The following ARHGAP44 variants were observed in gnomAD, a reference collection of about 807,000 sequenced individuals.
ARHGAP44 encodes the protein rho GTPase-activating protein 44.
In ARHGAP44, 43 loss-of-function variants were observed where a neutral mutation model predicts 106.8. The ratio of observed to expected loss-of-function variants is 0.40; its 90% confidence interval spans 0.32 to 0.52. The LOEUF (loss-of-function observed/expected upper bound fraction) is 0.52, where lower values mean the gene tolerates loss of function less well. ARHGAP44 is among the 20% of genes least tolerant of loss of function. The pLI is 0.48. For missense variants in ARHGAP44, 866 were observed against 1,050.5 expected (o/e 0.82, Z 2.43); for synonymous variants, 439 against 410.3 (o/e 1.07, Z -0.85).
chr17:12,949,551 C>A lies in ARHGAP44; in HGVS notation c.974-98C>A. ...TGCTGTTGACATGGTGGTCAGGAGGCCCATCCCCAGATGGAACCCACATAG... is the reference window on the plus strand; with the variant it reads ...TGCTGTTGACATGGTGGTCAGGAGGACCATCCCCAGATGGAACCCACATAG... On this transcript the variant is annotated intron_variant, in intron 11 of 20. Coordinates refer to ENST00000379672, the MANE Select transcript of ARHGAP44 (RefSeq NM_014859.6). The surrounding 1 kb of genome is among the most constrained non-coding windows in gnomAD (Gnocchi z 4.1). 8.8e-7 allele frequency: 1 copy of A among 1,135,258 alleles called. No homozygotes were observed. Among genetic ancestry groups the A allele is most frequent in the East Asian group, 2.4e-5 (1 of 42,240 alleles). 70.3% of individuals were successfully genotyped at this position (1,135,258 alleles called of 1,614,324 possible). A position where few individuals can be genotyped will look rare whatever the true frequency, so the allele number is the denominator to read the frequency against.
intron 18 of ARHGAP44, among the ~76,000 whole-genome samples, chr17:12,979,513 G>T (rs1047763084): frequency 1.1e-4 from 16 of 152,222 alleles, no homozygotes; most frequent in Middle Eastern, 6.8e-3. Flanking sequence ...GCTGGAATGG[G>T]TATTGAGTTT....
chr17:12,846,343 G>A (rs8064232), intron 1 of ARHGAP44, among the ~76,000 whole-genome samples: 44,848 of 151,956 alleles, frequency 0.3, 9,827 homozygotes, highest in African/African-American at 0.62. Context: ...GCCATAGGCA[G>A]CCCCCATCTA....
intron 18 of ARHGAP44, 45 bp downstream of exon 18, chr17:12,974,355 AG>A: frequency 7.4e-7 from 1 of 1,348,920 alleles, no homozygotes. Flanking sequence ...TGTGCGGTGC[AG>A]GGGGTGTCTG....
intron 1 of ARHGAP44, among the ~76,000 whole-genome samples, chr17:12,802,945 A>T (rs2034144890): frequency 1.3e-4 from 2 of 15,506 alleles, no homozygotes; most frequent in African/African-American, 6.4e-4. Context: ...ATATATATAT[A>T]TATATATATA....
chr17:12,790,993 C>T (rs958220089), intron 1 of ARHGAP44, among the ~76,000 whole-genome samples: 3 of 152,124 alleles, frequency 2.0e-5, no homozygotes, highest in Admixed American at 1.3e-4. Context: ...AAACCGAATA[C>T]CTTTCTTGGG....
chr17:12,877,248 A>G (rs547612855), intron 1 of ARHGAP44, among the ~76,000 whole-genome samples: 7 of 152,316 alleles, frequency 4.6e-5, no homozygotes, highest in African/African-American at 1.7e-4. Flanking sequence ...GATGTTTTGA[A>G]AACGAACACC....
intron 1 of ARHGAP44, among the ~76,000 whole-genome samples, chr17:12,853,036 A>G (rs1458830101): frequency 6.6e-6 from 1 of 152,150 alleles, no homozygotes; most frequent in Non-Finnish European, 1.5e-5. Context: ...TTTATTAGGG[A>G]GTATCAACTC....
intron 3 of ARHGAP44, among the ~76,000 whole-genome samples, chr17:12,899,962 G>A (rs758625223): frequency 4.6e-5 from 7 of 152,160 alleles, no homozygotes; most frequent in Non-Finnish European, 2.9e-5. Flanking sequence ...AGCTGTGGCT[G>A]CCAGCCAGAT....
At chr17:12,838,797 G>A (rs1217638354) in intron 1 of ARHGAP44, among the ~76,000 whole-genome samples, 3 of 151,986 alleles carry the variant, frequency 2.0e-5, no homozygotes, top group Admixed American at 6.6e-5. Context: ...TCAGTCTTCC[G>A]AGTAGCTGGG....
intron 7 of ARHGAP44, among the ~76,000 whole-genome samples, chr17:12,935,021 TGTG>T (rs1427146572): frequency 2.0e-5 from 3 of 152,188 alleles, no homozygotes; most frequent in African/African-American, 7.2e-5. Flanking sequence ...AGGCATCCTC[TGTG>T]GCAGCAGCCC....
chr17:12,871,136 T>C (rs1359789827), intron 1 of ARHGAP44, among the ~76,000 whole-genome samples: 8 of 152,244 alleles, frequency 5.3e-5, no homozygotes, highest in African/African-American at 1.9e-4. Context: ...TAAGTGCTTT[T>C]ATCGTGGCTC....
At chr17:12,810,370 C>T (rs1213062888) in intron 1 of ARHGAP44, among the ~76,000 whole-genome samples, 1 of 152,176 alleles carries the variant, frequency 6.6e-6, no homozygotes, top group East Asian at 1.9e-4. Flanking sequence ...AATATCTTAT[C>T]TTGGTTCCCA....
intron 1 of ARHGAP44, among the ~76,000 whole-genome samples, chr17:12,861,350 AAAC>A (rs2036067167): frequency 6.6e-6 from 1 of 152,090 alleles, no homozygotes; most frequent in South Asian, 2.1e-4. Flanking sequence ...AGTGACTTTA[AAAC>A]AACACAAATT....
At chr17:12,918,986 A>G (rs2037995497) in intron 5 of ARHGAP44, among the ~76,000 whole-genome samples, 1 of 152,228 alleles carries the variant, frequency 6.6e-6, no homozygotes, top group African/African-American at 2.4e-5. Context: ...AAGGGCATCA[A>G]TAATTTCATC....
At chr17:12,871,316 A>C (rs1033604225) in intron 1 of ARHGAP44, among the ~76,000 whole-genome samples, 29 of 152,100 alleles carry the variant, frequency 1.9e-4, no homozygotes, top group African/African-American at 6.8e-4. Flanking sequence ...ATGGTTTCGC[A>C]CCATCCCCCT....
chr17:12,863,024 A>C (rs987837312), intron 1 of ARHGAP44, among the ~76,000 whole-genome samples: 1 of 151,888 alleles, frequency 6.6e-6, no homozygotes, highest in East Asian at 1.9e-4. Context: ...ACAATGTCTC[A>C]TGGCTATAAT....
intron 1 of ARHGAP44, among the ~76,000 whole-genome samples, chr17:12,796,624 T>G (rs1430944599): frequency 2.0e-5 from 3 of 150,040 alleles, no homozygotes; most frequent in Non-Finnish European, 4.4e-5. Context: ...TGAGATGGAG[T>G]CTCACTCTGT....
rs2037215251 is a variant in ARHGAP44, at chr17:12,896,633, A to G, written c.198+122A>G. The G allele has an allele frequency of 1.6e-5, 13 of 797,400 alleles. No homozygotes were observed. The South Asian group carries it at 2.2e-4, about 13-fold the overall frequency. The allele number at this position is 797,400 out of a possible 1,614,324, so 49.4% of individuals were successfully genotyped here. ...TGCTTACGTGCCTGAGAATTGACTCAGCAGCTCTAGCTGCCTATTTTCTGT... is the reference window on the plus strand; with the variant it reads ...TGCTTACGTGCCTGAGAATTGACTCGGCAGCTCTAGCTGCCTATTTTCTGT... On this transcript the variant is annotated intron_variant, in intron 3 of 20. Transcript: ENST00000379672.
At position 12,945,680 on chromosome 17, in the gene ARHGAP44, A is replaced by G. The variant is rs928736715; in HGVS notation, c.861+1484A>G. 1.6e-4 allele frequency among the ~76,000 whole-genome samples: 25 copies of G among 152,214 alleles called. 3 individuals are homozygous for G. Among genetic ancestry groups the G allele is most frequent in the Admixed American group, 1.5e-3 (23 of 15,278 alleles). On this transcript the variant is annotated intron_variant, in intron 10 of 20. Coordinates refer to ENST00000379672, the MANE Select transcript of ARHGAP44 (RefSeq NM_014859.6). ...GTATGTGGCATGCTTCCTGTAGGCC[A>G]GCCTGTTCTAGATGCTGGAAATTCG...
Sources: gnomAD v4.1 joint callset for allele counts (sites outside exome capture counted in the v4.1 genomes callset) on GRCh38, gnomAD v4.1.1 for gene constraint, Gnocchi (gnomAD v3.1) non-coding constraint, MANE v1.5 for transcripts, NCBI Gene and HGNC (gene_info 2026-07-23, HGNC 2026-07-21) for gene names.